UVRAG: variants seen among roughly 807,000 people sequenced by gnomAD.
UVRAG encodes the protein UV radiation resistance-associated gene protein.
A neutral mutation model predicts 78.0 loss-of-function variants in UVRAG; 19 were observed. The observed-to-expected ratio is 0.24, with a 90% CI of 0.17 to 0.36. The LOEUF is 0.36. Ranked by LOEUF, UVRAG falls within the 10% of genes least tolerant of loss-of-function variation. The probability of loss-of-function intolerance (pLI) is 1.00; values close to 1 mark genes in which losing one functional copy is unlikely to be tolerated. For synonymous variants in UVRAG, 323 were observed against 324.6 expected, an observed-to-expected ratio of 1.00 and a Z score of 0.05; for missense variants, 740 against 853.8, an observed-to-expected ratio of 0.87 and a Z score of 1.66.
At chr11:75,963,813 T>C (rs1948958514) in intron 7 of UVRAG, among the ~76,000 whole-genome samples, 1 of 152,188 alleles carries the variant, frequency 6.6e-6, no homozygotes, top group Non-Finnish European at 1.5e-5. Flanking sequence ...AATTTTTACT[T>C]ATGTTTTATA....
intron 10 of UVRAG, among the ~76,000 whole-genome samples, chr11:76,008,457 A>G (rs867610183): frequency 6.6e-6 from 1 of 152,202 alleles, no homozygotes; most frequent in East Asian, 1.9e-4. Context: ...AATTTGTTTA[A>G]AAGACTAATT....
Position 76,000,052 on chromosome 11 carries a change from A to G in UVRAG, c.827-3953A>G, listed in dbSNP as rs564909039. ...TTTAAAGAGCTTAAAAAATAAGCCAATAGTGAAGAAAAATGAAATACTGAA... is the reference window on the plus strand; with the variant it reads ...TTTAAAGAGCTTAAAAAATAAGCCAGTAGTGAAGAAAAATGAAATACTGAA... On this transcript the variant is annotated intron_variant, in intron 8 of 14. Coordinates refer to ENST00000356136, the MANE Select transcript of UVRAG (RefSeq NM_003369.4). Among the ~76,000 whole-genome samples, 3 of 152,352 alleles carry G rather than the reference A, an allele frequency of 2.0e-5. No homozygotes were observed. The South Asian group carries it at 6.2e-4, about 32-fold the overall frequency.
chr11:76,138,400 T>C (rs950924636), intron 14 of UVRAG, among the ~76,000 whole-genome samples: 1 of 152,180 alleles, frequency 6.6e-6, no homozygotes, highest in Non-Finnish European at 1.5e-5. Flanking sequence ...TTATTGACAG[T>C]CGGGAAAATG....
intron 5 of UVRAG, among the ~76,000 whole-genome samples, chr11:75,906,344 TTTTGTTTG>T (rs915005661): frequency 2.6e-5 from 4 of 151,944 alleles, no homozygotes; most frequent in Non-Finnish European, 5.9e-5. Context: ...TAGTGGGTTT[TTTTGTTTG>T]TTTGTTTGTT....
intron 2 of UVRAG, among the ~76,000 whole-genome samples, chr11:75,854,881 A>G (rs1946252830): frequency 6.6e-6 from 1 of 152,214 alleles, no homozygotes. Flanking sequence ...TATCACTAGC[A>G]ATGTATGACA....
At chr11:76,043,499 A>G (rs1243578992) in intron 12 of UVRAG, among the ~76,000 whole-genome samples, 2 of 152,232 alleles carry the variant, frequency 1.3e-5, no homozygotes, top group African/African-American at 2.4e-5. Flanking sequence ...TGTGTCTTCA[A>G]TAGGAAGTTA....
At chr11:75,956,478 C>T (rs1251375199) in intron 6 of UVRAG, among the ~76,000 whole-genome samples, 9 of 151,342 alleles carry the variant, frequency 5.9e-5, no homozygotes, top group African/African-American at 1.5e-4. Flanking sequence ...TTCTGCTTCC[C>T]GGGTTCAAGC....
At chr11:75,964,988 A>C (rs1948988157) in intron 7 of UVRAG, among the ~76,000 whole-genome samples, 3 of 152,172 alleles carry the variant, frequency 2.0e-5, no homozygotes, top group African/African-American at 7.2e-5. Flanking sequence ...CCAATACCAA[A>C]CTCACTTATT....
intron 14 of UVRAG, among the ~76,000 whole-genome samples, chr11:76,122,954 A>G (rs1182093398): frequency 6.6e-6 from 1 of 152,202 alleles, no homozygotes; most frequent in Non-Finnish European, 1.5e-5. Context: ...GGCAAGAAGA[A>G]TGACCACTGT....
At chr11:75,916,441 G>C (rs1325441878) in intron 6 of UVRAG, 1 of 152,146 alleles carries the variant, frequency 6.6e-6, no homozygotes, top group African/African-American at 2.4e-5. Context: ...TTACTTACCT[G>C]GTCTTGGATA....
chr11:75,913,388 T>G (rs1418305006), intron 6 of UVRAG, among the ~76,000 whole-genome samples: 3 of 152,224 alleles, frequency 2.0e-5, no homozygotes, highest in Admixed American at 6.5e-5. Flanking sequence ...GAGCAGGAAC[T>G]GAAGAAAGAC....
chr11:75,942,522 T>G (rs1948505603), intron 6 of UVRAG: 1 of 152,138 alleles, frequency 6.6e-6, no homozygotes, highest in South Asian at 2.1e-4. Flanking sequence ...ATCCATGTTT[T>G]TTCTTCACAG....
At chr11:75,977,927 T>G (rs1591085877) in intron 7 of UVRAG, among the ~76,000 whole-genome samples, 2 of 152,222 alleles carry the variant, frequency 1.3e-5, no homozygotes, top group East Asian at 3.8e-4. Flanking sequence ...GTTAGCTGAT[T>G]ATTTTGCTCG....
chr11:75,985,154 C>CTTTTTTTTTTTT (rs796594987), intron 8 of UVRAG, among the ~76,000 whole-genome samples: 1 of 128,608 alleles, frequency 7.8e-6, no homozygotes, highest in African/African-American at 2.8e-5. Flanking sequence ...AATTTCTTTT[C>CTTTTTTTTTTTT]TTTTTTTTTT....
At chr11:76,122,460 G>A (rs1225550090) in intron 14 of UVRAG, among the ~76,000 whole-genome samples, 1 of 152,200 alleles carries the variant, frequency 6.6e-6, no homozygotes, top group African/African-American at 2.4e-5. Flanking sequence ...GAGGGTAATA[G>A]TGCGTACTTA....
At chr11:75,998,517 A>G (rs1355180758) in intron 8 of UVRAG, among the ~76,000 whole-genome samples, 1 of 152,216 alleles carries the variant, frequency 6.6e-6, no homozygotes, top group Non-Finnish European at 1.5e-5. Context: ...TAAAGAAAAA[A>G]AAACACTGGA....
intron 1 of UVRAG, among the ~76,000 whole-genome samples, chr11:75,820,798 AT>A (rs1469559803): frequency 1.3e-5 from 2 of 152,102 alleles, no homozygotes; most frequent in Non-Finnish European, 2.9e-5. Flanking sequence ...CTGGTGAGTC[AT>A]GCCTGTAACC....
In UVRAG at chr11:76,065,767, T is replaced by G; in HGVS notation, c.1284T>G (p.Leu428=). ...EKLQFDYGVY[L]LNKNIAQLRY... ...TGCAGTTTGATTATGGTGTCTATCT[T>G]CTGAACAAAAATATAGCACAGGTAA... The change falls in exon 13 of 15, where the codon CTT becomes CTG. Residue 428 remains leucine, a synonymous_variant. Transcript: ENST00000356136. The G allele has an allele frequency of 6.2e-7, 1 of 1,613,898 alleles. No individual in the cohort carries two copies. The highest frequency in any genetic ancestry group is 8.5e-7 in the Non-Finnish European group (1 of 1,179,940).
At chr11:76,020,126 C>T (rs1275826277) in intron 12 of UVRAG, among the ~76,000 whole-genome samples, 2 of 152,178 alleles carry the variant, frequency 1.3e-5, no homozygotes, top group African/African-American at 4.8e-5. Context: ...CCTAGACCCA[C>T]GGTGGGTACT....
Sources: gnomAD v4.1 joint callset for allele counts (sites outside exome capture counted in the v4.1 genomes callset) on GRCh38, gnomAD v4.1.1 for gene constraint, MANE v1.5 for transcripts, NCBI Gene and HGNC (gene_info 2026-07-23, HGNC 2026-07-21) for gene names.